ABCA4: variants seen among roughly 807,000 people sequenced by gnomAD.
ABCA4 encodes retinal-specific phospholipid-transporting ATPase ABCA4.
Under a neutral mutation model 263.7 loss-of-function variants are expected in ABCA4, and 196 were observed. The ratio of observed to expected loss-of-function variants is 0.74; its 90% confidence interval spans 0.66 to 0.84. ABCA4 has a LOEUF of 0.84. ABCA4 is among the 40% of genes least tolerant of loss of function. The probability of loss-of-function intolerance (pLI) is 0.00; values close to 1 mark genes in which losing one functional copy is unlikely to be tolerated. For missense variants in ABCA4, 2,792 were observed against 2,855.1 expected (o/e 0.98, Z 0.50); for synonymous variants, 1,133 against 1,094.2 (o/e 1.04, Z -0.70).
At chr1:94,012,206 C>G (rs1341675178) in intron 38 of ABCA4, among the ~76,000 whole-genome samples, 1 of 152,240 alleles carries the variant, frequency 6.6e-6, no homozygotes, top group Non-Finnish European at 1.5e-5. Flanking sequence ...CACATTACCT[C>G]ATCCTTCCCT....
chr1:94,046,471 A>G (rs1660684033), intron 19 of ABCA4, among the ~76,000 whole-genome samples: 1 of 148,428 alleles, frequency 6.7e-6, no homozygotes, highest in Admixed American at 6.7e-5. Flanking sequence ...AAAAAAAAAA[A>G]AAAAAGAAAA....
intron 6 of ABCA4, among the ~76,000 whole-genome samples, chr1:94,090,387 T>A (rs190919222): frequency 6.6e-6 from 1 of 151,840 alleles, no homozygotes; most frequent in Non-Finnish European, 1.5e-5. Context: ...AAATCTCAAA[T>A]AGTTTTGTAG....
In ABCA4 at chr1:94,113,077, A is replaced by T; in HGVS notation, c.67-11T>A. 1 of 1,613,250 alleles carries T rather than the reference A, an allele frequency of 6.2e-7. No homozygotes were observed. The highest frequency in any genetic ancestry group is 8.5e-7 in the Non-Finnish European group (1 of 1,179,230). On this transcript the variant is annotated splice_polypyrimidine_tract_variant and intron_variant, in intron 1 of 49. Transcript: ENST00000370225. ...CACCACAAAGCGAATCTGGAAAAAC[A>T]AAACAAAAAGAGAGAAAGTTCAGTG...
intron 3 of ABCA4, among the ~76,000 whole-genome samples, chr1:94,109,902 T>TTCCGGGTTCAAA (rs1557808989): frequency 6.6e-6 from 1 of 152,118 alleles, no homozygotes; most frequent in African/African-American, 2.4e-5. Context: ...AAACCCAACT[T>TTCCGGGTTCAAA]TCCGGGTTCA....
chr1:94,067,811 T>G (rs1001010384), intron 11 of ABCA4, among the ~76,000 whole-genome samples: 5 of 152,204 alleles, frequency 3.3e-5, no homozygotes, highest in Admixed American at 2.6e-4. Flanking sequence ...CCCATTTCAT[T>G]CTCACAACAA....
rs577059 is a variant in ABCA4, at chr1:94,101,127, T to C, written c.570+1888A>G. Among the ~76,000 whole-genome samples the C allele has an allele frequency of 1, 151,894 of 152,384 alleles. 75,705 individuals carry two copies. The highest frequency in any genetic ancestry group is 1 in the Middle Eastern group (294 of 294). ...CTCCATTCTCCAACATGAAAGGCCT[T>C]GGCACTGATGCCAGAAGCACAGTAC... is the stretch of plus-strand genomic sequence containing the variant. On this transcript the variant is annotated intron_variant, in intron 5 of 49. Transcript: ENST00000370225.
intron 6 of ABCA4, among the ~76,000 whole-genome samples, chr1:94,091,980 G>C (rs895731502): frequency 2.0e-5 from 3 of 152,184 alleles, no homozygotes; most frequent in Non-Finnish European, 4.4e-5. Flanking sequence ...CTCCTAAAAA[G>C]TCTTGTTGGC....
At chr1:94,111,692 T>G (rs1662609761) in intron 2 of ABCA4, 113 bp from the exon 3 acceptor site, 3 of 1,255,270 alleles carry the variant, frequency 2.4e-6, no homozygotes. Context: ...ATGTCCTCCT[T>G]CATTCTCAGC....
intron 30 of ABCA4, among the ~76,000 whole-genome samples, chr1:94,029,244 T>G (rs1660130289): frequency 1.3e-5 from 2 of 152,214 alleles, no homozygotes; most frequent in South Asian, 4.1e-4. Context: ...AATGAAGCTT[T>G]TGGTGAGTGG....
rs375533608 is a variant in ABCA4 at position 94,096,963 on chromosome 1, T to C, written c.768+1831A>G. On this transcript the variant is annotated intron_variant, in intron 6 of 49. Transcript: ENST00000370225. ...TGGACACCTGAGAGGGAGCCTCTGG[T>C]GGCTCTGCAAACACCAGCACTGGAC... Among the ~76,000 whole-genome samples the C allele has an allele frequency of 8.5e-5, 13 of 152,322 alleles. 1 individual carries two copies. The highest frequency in any genetic ancestry group is 3.9e-4 in the Admixed American group (6 of 15,304).
In ABCA4 at chr1:94,043,409, C is replaced by G. The variant is rs2101051467; in HGVS notation, c.3117G>C (p.Gln1039His). The change falls in exon 21 of 50, where the codon CAG (glutamine) becomes CAC (histidine). Residue 1039 changes from glutamine to histidine, a missense_variant. Gln to His is a conservative substitution (Grantham distance 24, BLOSUM62 0). Coordinates refer to ENST00000370225, the MANE Select transcript of ABCA4 (RefSeq NM_000350.3). Reference sequence around the variant, plus strand: ...CCTCCAACATGGCTTCCATCTCCAGCTGGGCCTCCTCCTGGGACTTTCCTT... The same window carrying G: ...CCTCCAACATGGCTTCCATCTCCAGGTGGGCCTCCTCCTGGGACTTTCCTT... ...QLKGKSQEEA[Q>H]LEMEAMLEDT... The G allele has an allele frequency of 1.2e-6, 2 of 1,614,180 alleles. No homozygotes were observed. Among genetic ancestry groups the G allele is most frequent in the East Asian group, 2.2e-5 (1 of 44,864 alleles).
chr1:94,045,504 G>C (rs1040178832), intron 19 of ABCA4, among the ~76,000 whole-genome samples: 15 of 152,132 alleles, frequency 9.9e-5, no homozygotes, highest in African/African-American at 3.4e-4. Flanking sequence ...GTCAGCAGCC[G>C]ATGAAGTAAT....
At chr1:94,012,737 G>A (rs12085639) in intron 38 of ABCA4, among the ~76,000 whole-genome samples, 30,071 of 152,144 alleles carry the variant, frequency 0.2, 3,698 homozygotes, top group African/African-American at 0.35. Context: ...TCTGTCACAC[G>A]CTGTATTATG....
chr1:94,060,502 T>C (rs778120372), intron 14 of ABCA4, 35 bp downstream of exon 14: 6 of 1,591,352 alleles, frequency 3.8e-6, no homozygotes, highest in Non-Finnish European at 5.2e-6. Flanking sequence ...AACCAAAGTA[T>C]TCAAGATTTT....
chr1:94,117,893 C>T (rs1378725160), intron 1 of ABCA4, among the ~76,000 whole-genome samples: 2 of 152,188 alleles, frequency 1.3e-5, no homozygotes, highest in Non-Finnish European at 1.5e-5. Flanking sequence ...TTTCCAGGTC[C>T]AGTGTTGGTT....
intron 1 of ABCA4, among the ~76,000 whole-genome samples, chr1:94,118,538 C>T (rs137862610): frequency 6.6e-6 from 1 of 152,344 alleles, no homozygotes; most frequent in East Asian, 1.9e-4. Flanking sequence ...CTCAGAGCTA[C>T]TGAATCTGTT....
chr1:94,003,959 A>G (rs892288204), intron 44 of ABCA4, among the ~76,000 whole-genome samples: 9 of 151,884 alleles, frequency 5.9e-5, no homozygotes, highest in African/African-American at 2.2e-4. Context: ...TTTTAAAAGC[A>G]CTTCCTTACT....
chr1:94,029,517 C>A lies in ABCA4; in HGVS notation c.4467G>T (p.Arg1489Ser), dbSNP rs140952412. 277 of 1,607,546 alleles carry A rather than the reference C, an allele frequency of 1.7e-4. No individual in the cohort carries two copies. The African/African-American group carries it at 3.4e-3, about 20-fold the overall frequency. ...WTQVNPSPSC[R>S]CSTREKLTML... is the part of the protein sequence containing the mutation. ...TGGTGAGCTTCTCCCTGGTGCTGCACCTGCAGGATGGTGAAGGGTTGACCT... is the reference window on the plus strand; with the variant it reads ...TGGTGAGCTTCTCCCTGGTGCTGCAACTGCAGGATGGTGAAGGGTTGACCT... Residue 1489 changes from arginine (R) to serine (S), a missense_variant, in exon 30 of 50, where the codon AGG becomes AGT. Coordinates refer to ENST00000370225, the MANE Select transcript of ABCA4 (RefSeq NM_000350.3).
chr1:94,020,557 G>A (rs1331008762), intron 35 of ABCA4, among the ~76,000 whole-genome samples: 3 of 152,184 alleles, frequency 2.0e-5, no homozygotes, highest in Non-Finnish European at 2.9e-5. Flanking sequence ...GGACAGTCTA[G>A]GGCCCTAGGG....
Sources: allele counts gnomAD v4.1 joint callset (sites outside exome capture counted in the v4.1 genomes callset), GRCh38; gene constraint gnomAD v4.1.1; transcripts MANE v1.5; gene names NCBI Gene and HGNC (gene_info 2026-07-23, HGNC 2026-07-21).